SDCCAG8: variants seen among roughly 807,000 people sequenced by gnomAD.
The protein encoded by SDCCAG8 is SHH signaling and ciliogenesis regulator SDCCAG8.
A neutral mutation model predicts 101.8 loss-of-function variants in SDCCAG8; 74 were observed. That is an observed-to-expected ratio of 0.73 (90% CI 0.60 to 0.88). The LOEUF is 0.88. Among genes scored for constraint, SDCCAG8 ranks in the 40% least tolerant of loss-of-function variants. The pLI is 0.00. For synonymous variants in SDCCAG8, 281 were observed against 292.9 expected, an observed-to-expected ratio of 0.96 and a Z score of 0.41; for missense variants, 787 against 822.6, an observed-to-expected ratio of 0.96 and a Z score of 0.53.
At chr1:243,389,954 G>A (rs907926134) in intron 13 of SDCCAG8, among the ~76,000 whole-genome samples, 1 of 152,196 alleles carries the variant, frequency 6.6e-6, no homozygotes, top group Non-Finnish European at 1.5e-5. Context: ...TGGGTGTTTA[G>A]CAGATTTTCT....
rs2068030561 is a variant in SDCCAG8 at position 243,270,926 on chromosome 1, GA to G, written c.221-49del. 2.2e-6 allele frequency: 3 copies of G among 1,348,198 alleles called. No individual in the cohort carries two copies. In the East Asian group the frequency reaches 6.9e-5, roughly 31 times the overall value. The allele number at this position is 1,348,198 out of a possible 1,614,324, so 83.5% of individuals were successfully genotyped here. On this transcript the variant is annotated intron_variant, in intron 2 of 17. Transcript: ENST00000366541. ...AGTTGGAAGGATGGATGGGTGGTAA[GA>G]AACCATGGATCTCAAATAAGGTTAA...
At chr1:243,310,989 G>T (rs1157816725) in intron 8 of SDCCAG8, among the ~76,000 whole-genome samples, 2 of 152,280 alleles carry the variant, frequency 1.3e-5, no homozygotes, top group South Asian at 2.1e-4. Flanking sequence ...TCTGCTGGTG[G>T]GTTCATAAAT....
chr1:243,276,927 A>G (rs1436521186), intron 4 of SDCCAG8, among the ~76,000 whole-genome samples: 1 of 152,102 alleles, frequency 6.6e-6, no homozygotes, highest in African/African-American at 2.4e-5. Flanking sequence ...CTGGCCTATT[A>G]TACTTAGTAA....
At chr1:243,272,741 T>A (rs1238344649) in intron 3 of SDCCAG8, among the ~76,000 whole-genome samples, 4 of 152,250 alleles carry the variant, frequency 2.6e-5, no homozygotes, top group African/African-American at 9.6e-5. Context: ...ACTTAGACTC[T>A]ATATGTATAC....
rs866909404 is a variant in SDCCAG8 at position 243,378,687 on chromosome 1, A to T, written c.1474-34A>T. On this transcript the variant is annotated intron_variant, in intron 12 of 17. Transcript: ENST00000366541. ...TTTTGAATTCAAGTGCATGTATTTT[A>T]TATGGATGCTTTTTCCCCTTCTCTC... is the stretch of plus-strand genomic sequence containing the variant. 1.2e-5 allele frequency: 19 copies of T among 1,610,618 alleles called. No individual in the cohort carries two copies. In the Middle Eastern group the frequency reaches 1.5e-3, roughly 127 times the overall value.
At chr1:243,301,630 G>A (rs762240447) in intron 6 of SDCCAG8, among the ~76,000 whole-genome samples, 14 of 152,222 alleles carry the variant, frequency 9.2e-5, no homozygotes, top group Middle Eastern at 3.4e-3. Flanking sequence ...CACTGCAGCC[G>A]TGCCAACACG....
At chr1:243,437,280 T>A (rs540665623) in intron 16 of SDCCAG8, among the ~76,000 whole-genome samples, 17 of 152,210 alleles carry the variant, frequency 1.1e-4, no homozygotes, top group Non-Finnish European at 2.1e-4. Context: ...AATGTATCCC[T>A]GTATTTATTA....
chr1:243,457,610 G>A (rs1395748296), intron 16 of SDCCAG8, among the ~76,000 whole-genome samples: 1 of 152,226 alleles, frequency 6.6e-6, no homozygotes, highest in Admixed American at 6.5e-5. Flanking sequence ...GTGCATACGT[G>A]ACATTTGTAA....
chr1:243,482,020 T>C (rs1663852712), intron 16 of SDCCAG8, among the ~76,000 whole-genome samples: 1 of 152,330 alleles, frequency 6.6e-6, no homozygotes, highest in South Asian at 2.1e-4. Context: ...TTATTATACC[T>C]CATGACTTAT....
At chr1:243,282,023 G>A (rs113280002) in intron 4 of SDCCAG8, among the ~76,000 whole-genome samples, 7,054 of 151,920 alleles carry the variant, frequency 0.046, 557 homozygotes, top group African/African-American at 0.16. Context: ...TCTCTCAGTC[G>A]CCCAGGCTGT....
At chr1:243,297,014 G>T (rs2070998569) in intron 6 of SDCCAG8, among the ~76,000 whole-genome samples, 1 of 152,050 alleles carries the variant, frequency 6.6e-6, no homozygotes, top group Non-Finnish European at 1.5e-5. Context: ...ACAGCTCAAA[G>T]ATTTATCTGT....
chr1:243,451,278 T>C (rs2083335335), intron 16 of SDCCAG8, among the ~76,000 whole-genome samples: 1 of 152,224 alleles, frequency 6.6e-6, no homozygotes, highest in Non-Finnish European at 1.5e-5. Flanking sequence ...CTGATCAGCA[T>C]GGATTTTACT....
chr1:243,322,013 T>G (rs2073798278), intron 9 of SDCCAG8, among the ~76,000 whole-genome samples: 1 of 152,260 alleles, frequency 6.6e-6, no homozygotes, highest in South Asian at 2.1e-4. Flanking sequence ...CTTTTTGGTA[T>G]AATGATATAT....
chr1:243,437,721 G>T (rs2082238393), intron 16 of SDCCAG8, among the ~76,000 whole-genome samples: 1 of 151,954 alleles, frequency 6.6e-6, no homozygotes, highest in Non-Finnish European at 1.5e-5. Flanking sequence ...TGTATTTTTA[G>T]TAGAGACGGG....
chr1:243,258,602 G>A (rs1251994275), intron 1 of SDCCAG8, among the ~76,000 whole-genome samples: 1 of 151,968 alleles, frequency 6.6e-6, no homozygotes, highest in Non-Finnish European at 1.5e-5. Flanking sequence ...ACTGGGTTTC[G>A]CCATGTTGGT....
intron 15 of SDCCAG8, among the ~76,000 whole-genome samples, chr1:243,420,327 G>A (rs776043617): frequency 2.0e-5 from 3 of 152,204 alleles, no homozygotes; most frequent in Non-Finnish European, 2.9e-5. Flanking sequence ...CACGTATCAA[G>A]TGCCTAGCAC....
At chr1:243,413,475 GGATTACA>G (rs2080330321) in intron 13 of SDCCAG8, among the ~76,000 whole-genome samples, 1 of 152,130 alleles carries the variant, frequency 6.6e-6, no homozygotes, top group Non-Finnish European at 1.5e-5. Flanking sequence ...CAAAGTGCTG[GGATTACA>G]GATGTGAGCC....
chr1:243,470,979 G>T (rs985141802), intron 16 of SDCCAG8, among the ~76,000 whole-genome samples: 6 of 152,112 alleles, frequency 3.9e-5, no homozygotes, highest in African/African-American at 1.4e-4. Context: ...AGTTGTTGTT[G>T]TTAGAGTGCA....
intron 3 of SDCCAG8, 140 bp from the exon 4 acceptor site, chr1:243,274,403 G>T: frequency 1.7e-6 from 1 of 580,380 alleles, no homozygotes. Flanking sequence ...CATTGTGATC[G>T]ATTCTATGTT....
Sources: gnomAD v4.1 joint callset for allele counts (sites outside exome capture counted in the v4.1 genomes callset) on GRCh38, gnomAD v4.1.1 for gene constraint, MANE v1.5 for transcripts, NCBI Gene and HGNC (gene_info 2026-07-23, HGNC 2026-07-21) for gene names.